CACNB2: variants seen among roughly 807,000 people sequenced by gnomAD.
CACNB2 encodes the protein voltage-dependent L-type calcium channel subunit beta-2.
Under a neutral mutation model 73.3 loss-of-function variants are expected in CACNB2, and 42 were observed. That is an observed-to-expected ratio of 0.57 (90% CI 0.45 to 0.74). CACNB2 has a LOEUF of 0.74. Among genes scored for constraint, CACNB2 ranks in the 30% least tolerant of loss-of-function variants. CACNB2 has a pLI of 0.00. For synonymous variants in CACNB2, 348 were observed against 310.3 expected (o/e 1.12, Z -1.28); for missense variants, 940 against 853.0 (o/e 1.10, Z -1.27).
intron 3 of CACNB2, among the ~76,000 whole-genome samples, chr10:18,435,446 T>G (rs2046086372): frequency 6.6e-6 from 1 of 152,130 alleles, no homozygotes; most frequent in African/African-American, 2.4e-5. Context: ...TCCCTCAGTC[T>G]TTGACAGTAA....
Position 18,318,629 on chromosome 10 carries a change from C to T in CACNB2, c.214-83295C>T, listed in dbSNP as rs527385707. On this transcript the variant is annotated intron_variant, in intron 2 of 13. Coordinates refer to ENST00000324631, the MANE Select transcript of CACNB2 (RefSeq NM_201596.3). ...GGGATCTAATTAAACTAAAGAGCTT[C>T]TGTACAGCAAAATAAACTATCATCA... is the stretch of plus-strand genomic sequence containing the variant. Among the ~76,000 whole-genome samples the T allele has an allele frequency of 7.9e-5, 12 of 152,292 alleles. No individual in the cohort carries two copies. The South Asian group carries it at 2.5e-3, about 32-fold the overall frequency.
At chr10:18,445,203 A>G (rs891226809) in intron 3 of CACNB2, among the ~76,000 whole-genome samples, 2 of 152,180 alleles carry the variant, frequency 1.3e-5, no homozygotes, top group African/African-American at 4.8e-5. Context: ...GGGAATTTGA[A>G]CACATCTGAT....
chr10:18,381,599 A>C (rs111542606), intron 2 of CACNB2, among the ~76,000 whole-genome samples: 4,673 of 151,620 alleles, frequency 0.031, 113 homozygotes, highest in African/African-American at 0.052. Context: ...GAGGCAGGAG[A>C]ATTGCTTGAA....
At chr10:18,252,071 A>G (rs557970283) in intron 2 of CACNB2, among the ~76,000 whole-genome samples, 1 of 152,268 alleles carries the variant, frequency 6.6e-6, no homozygotes, top group African/African-American at 2.4e-5. Flanking sequence ...GTTTTTTGTC[A>G]TTGTTTTTAT....
At chr10:18,383,090 C>T (rs955439151) in intron 2 of CACNB2, among the ~76,000 whole-genome samples, 8 of 152,174 alleles carry the variant, frequency 5.3e-5, no homozygotes, top group Non-Finnish European at 1.2e-4. Context: ...ATCCATGGAA[C>T]ACTCACCAAA....
chr10:18,452,392 C>T (rs545747418), intron 3 of CACNB2, among the ~76,000 whole-genome samples: 12 of 152,138 alleles, frequency 7.9e-5, no homozygotes, highest in Non-Finnish European at 1.6e-4. Flanking sequence ...GGTACCACTG[C>T]ACTCCAGTCT....
At chr10:18,336,145 A>G (rs187872622) in intron 2 of CACNB2, among the ~76,000 whole-genome samples, 82 of 152,348 alleles carry the variant, frequency 5.4e-4, no homozygotes, top group African/African-American at 1.9e-3. Context: ...TCAAACAAAT[A>G]TAGATTGAAT....
At chr10:18,168,950 A>C (rs2033050494) in intron 2 of CACNB2, among the ~76,000 whole-genome samples, 1 of 152,206 alleles carries the variant, frequency 6.6e-6, no homozygotes, top group Non-Finnish European at 1.5e-5. Context: ...TTTTTAATAC[A>C]GTCTAACAGC....
At chr10:18,536,243 CTTTTTTTTTTTTTTTTT>C (rs904187820) in intron 12 of CACNB2, 47 bp downstream of exon 12, 3 of 283,226 alleles carry the variant, frequency 1.1e-5, no homozygotes, top group Non-Finnish European at 5.8e-6. Flanking sequence ...GAGATCAGAC[CTTTTTTTTTTTTTTTTT>C]TTTTTTTTTT....
intron 2 of CACNB2, among the ~76,000 whole-genome samples, chr10:18,326,215 G>A (rs1259735632): frequency 1.3e-5 from 2 of 152,192 alleles, no homozygotes; most frequent in Admixed American, 6.5e-5. Flanking sequence ...AAAATGGACT[G>A]AATGATTAGG....
chr10:18,356,938 A>AAGTCTTT (rs2041933750), intron 2 of CACNB2, among the ~76,000 whole-genome samples: 1 of 94,446 alleles, frequency 1.1e-5, no homozygotes, highest in Non-Finnish European at 2.2e-5. Flanking sequence ...CCCAGACTCA[A>AAGTCTTT]TTTCTTTTTT....
At chr10:18,307,135 A>T (rs2039760968) in intron 2 of CACNB2, among the ~76,000 whole-genome samples, 1 of 152,166 alleles carries the variant, frequency 6.6e-6, no homozygotes, top group Admixed American at 6.6e-5. Context: ...GTGTTTAAAA[A>T]ACCAGAGGAA....
chr10:18,181,428 T>A (rs1356389259), intron 2 of CACNB2, among the ~76,000 whole-genome samples: 1 of 152,162 alleles, frequency 6.6e-6, no homozygotes, highest in Non-Finnish European at 1.5e-5. Context: ...TCTCTGCCCG[T>A]AAGGAACTTG....
chr10:18,431,446 C>T (rs966630298), intron 3 of CACNB2, among the ~76,000 whole-genome samples: 1 of 151,974 alleles, frequency 6.6e-6, no homozygotes, highest in Non-Finnish European at 1.5e-5. Context: ...TTGCCTTTTC[C>T]TGTGGTTACT....
At chr10:18,399,325 G>A (rs1420766481) in intron 2 of CACNB2, among the ~76,000 whole-genome samples, 2 of 152,174 alleles carry the variant, frequency 1.3e-5, no homozygotes, top group African/African-American at 4.8e-5. Flanking sequence ...AAATTTGCTT[G>A]AACGAAGAGT....
chr10:18,274,192 G>A (rs985158718), intron 2 of CACNB2, among the ~76,000 whole-genome samples: 4 of 150,752 alleles, frequency 2.7e-5, no homozygotes, highest in Non-Finnish European at 5.9e-5. Context: ...AAATCAACCC[G>A]ACTACTTATT....
In CACNB2 at chr10:18,156,258, G is replaced by A. The variant is rs562108804; in HGVS notation, c.213+5283G>A. ...TCTTCTTGATATGTTTCTGTGTTAG[G>A]CTCTAAAGCAGAACAGCAGCTACCT... On this transcript the variant is annotated intron_variant, in intron 2 of 13. Transcript: ENST00000324631. Among the ~76,000 whole-genome samples, 3 of 152,282 alleles carry A rather than the reference G, an allele frequency of 2.0e-5. No homozygotes were observed. The South Asian group carries it at 6.2e-4, about 32-fold the overall frequency.
chr10:18,328,511 T>C (rs2040672838), intron 2 of CACNB2, among the ~76,000 whole-genome samples: 1 of 152,212 alleles, frequency 6.6e-6, no homozygotes, highest in African/African-American at 2.4e-5. Flanking sequence ...GTATAACCAC[T>C]ATTATACTTA....
chr10:18,408,988 G>T (rs532568833), intron 3 of CACNB2, among the ~76,000 whole-genome samples: 1 of 152,190 alleles, frequency 6.6e-6, no homozygotes, highest in South Asian at 2.1e-4. Flanking sequence ...GAATAGCTGG[G>T]ACCACAGGCA....
Sources: allele counts gnomAD v4.1 joint callset (sites outside exome capture counted in the v4.1 genomes callset), GRCh38; gene constraint gnomAD v4.1.1; transcripts MANE v1.5; gene names NCBI Gene and HGNC (gene_info 2026-07-23, HGNC 2026-07-21).